Variants in PSD3 observed in about 807,000 individuals in gnomAD.
PSD3 encodes pleckstrin and Sec7 domain containing 3, also known as PH and SEC7 domain-containing protein 3.
A neutral mutation model predicts 105.5 loss-of-function variants in PSD3; 49 were observed. That is an observed-to-expected ratio of 0.46 (90% CI 0.37 to 0.59). PSD3 has a LOEUF of 0.59. Ranked by LOEUF, PSD3 falls within the 20% of genes least tolerant of loss-of-function variation. The pLI is 0.00. For synonymous variants in PSD3, 557 were observed against 457.8 expected (o/e 1.22, Z -2.77); for missense variants, 1,561 against 1,263.8 (o/e 1.24, Z -3.57).
intron 9 of PSD3, chr8:18,733,064 A>G (rs937312187): frequency 5.9e-5 from 9 of 152,254 alleles, no homozygotes; most frequent in African/African-American, 1.9e-4. Flanking sequence ...GTTGGTTACA[A>G]CATCTTATTA....
intron 9 of PSD3, among the ~76,000 whole-genome samples, chr8:18,704,911 T>C (rs914001216): frequency 6.6e-6 from 1 of 152,052 alleles, no homozygotes; most frequent in African/African-American, 2.4e-5. Context: ...GATGAATATC[T>C]CAATTTAAAA....
chr8:18,995,323 T>C (rs941705223), intron 1 of PSD3, among the ~76,000 whole-genome samples: 9 of 152,070 alleles, frequency 5.9e-5, no homozygotes, highest in African/African-American at 2.2e-4. Flanking sequence ...ATCTAATTAC[T>C]AAACAAAACT....
rs1338878880 is a variant in PSD3, at chr8:18,632,603, T to C, written c.2410+10A>G. On this transcript the variant is annotated intron_variant, in intron 11 of 15. Coordinates refer to ENST00000327040, the MANE Select transcript of PSD3 (RefSeq NM_015310.4). ...AAATGAAATAGAAAATGACAACGCA[T>C]GATACTTACTCTTCTTTCCATCCAT... is the stretch of plus-strand genomic sequence containing the variant. 6.3e-7 allele frequency: 1 copy of C among 1,599,678 alleles called. No individual in the cohort carries two copies. Among genetic ancestry groups the C allele is most frequent in the South Asian group, 1.1e-5 (1 of 87,830 alleles).
intron 1 of PSD3, among the ~76,000 whole-genome samples, chr8:19,011,765 C>T (rs1826960637): frequency 8.5e-6 from 1 of 117,840 alleles, no homozygotes; most frequent in Admixed American, 7.6e-5. Context: ...CTTATGCTCG[C>T]ATTTAAAAAA....
intron 15 of PSD3, among the ~76,000 whole-genome samples, chr8:18,539,855 C>G (rs1800059114): frequency 6.6e-6 from 1 of 152,090 alleles, no homozygotes; most frequent in Non-Finnish European, 1.5e-5. Context: ...CAGTAAATTA[C>G]TTTTTAAAGG....
At position 19,073,877 on chromosome 8, in the gene PSD3, G is replaced by C. The variant is rs574930287; in HGVS notation, c.324+10329C>G. Among the ~76,000 whole-genome samples, 3 of 151,434 alleles carry C rather than the reference G, an allele frequency of 2.0e-5. No homozygotes were observed. In the South Asian group the frequency reaches 6.3e-4, roughly 32 times the overall value. On this transcript the variant is annotated intron_variant, in intron 1 of 1. Transcript: ENST00000521475. ...AGGATCTCGGCTCACTGCAAGCTCC[G>C]CCTCCCGGGTTCACGCCATTCTGCC...
chr8:18,740,803 C>T (rs919675657), intron 9 of PSD3, among the ~76,000 whole-genome samples: 2 of 152,130 alleles, frequency 1.3e-5, no homozygotes, highest in African/African-American at 2.4e-5. Flanking sequence ...TCTCCTAGTC[C>T]TCCTAATGTC....
At chr8:19,046,630 G>A (rs982403811) in intron 1 of PSD3, among the ~76,000 whole-genome samples, 3 of 152,122 alleles carry the variant, frequency 2.0e-5, no homozygotes, top group African/African-American at 4.8e-5. Flanking sequence ...GTATAACTTT[G>A]CCTTGAGTTT....
chr8:18,799,159 A>G lies in PSD3; in HGVS notation c.2082+136T>C, dbSNP rs368540016. On this transcript the variant is annotated intron_variant, in intron 8 of 15. Transcript: ENST00000327040. Reference sequence around the variant, plus strand: ...AAAAAAATTATTTCTTTTTTCAAAGATTTCTTTTTATTCACCTGCCATGGG... The same window carrying G: ...AAAAAAATTATTTCTTTTTTCAAAGGTTTCTTTTTATTCACCTGCCATGGG... 1.1e-4 allele frequency: 81 copies of G among 749,738 alleles called. No individual in the cohort carries two copies. In the East Asian group the frequency reaches 1.9e-3, roughly 18 times the overall value. The allele number at this position is 749,738 out of a possible 1,614,324, so 46.4% of individuals were successfully genotyped here.
At chr8:19,019,949 C>T (rs750293669) in intron 1 of PSD3, among the ~76,000 whole-genome samples, 1 of 152,120 alleles carries the variant, frequency 6.6e-6, no homozygotes, top group Admixed American at 6.5e-5. Flanking sequence ...AAATGTTAGA[C>T]CAGAGGGTGG....
intron 8 of PSD3, among the ~76,000 whole-genome samples, chr8:18,768,807 T>C (rs761647078): frequency 6.6e-5 from 10 of 152,208 alleles, no homozygotes; most frequent in Admixed American, 5.9e-4. Context: ...ATTTTTGTTG[T>C]TGTTGTTAAA....
intron 11 of PSD3, among the ~76,000 whole-genome samples, chr8:18,631,352 A>G (rs1394892784): frequency 6.6e-6 from 1 of 151,984 alleles, no homozygotes; most frequent in Non-Finnish European, 1.5e-5. Flanking sequence ...TGTCAATCAC[A>G]ATATTCCATC....
chr8:18,696,507 G>A (rs750533549), intron 9 of PSD3, among the ~76,000 whole-genome samples: 3 of 152,154 alleles, frequency 2.0e-5, no homozygotes, highest in African/African-American at 7.2e-5. Flanking sequence ...TAAGCAGCAC[G>A]TTGCTCAGCT....
At chr8:19,062,596 T>G (rs1358013790) in intron 1 of PSD3, among the ~76,000 whole-genome samples, 1 of 152,206 alleles carries the variant, frequency 6.6e-6, no homozygotes, top group African/African-American at 2.4e-5. Flanking sequence ...AAAGAATCTT[T>G]AGATTTATTA....
intron 2 of PSD3, among the ~76,000 whole-genome samples, chr8:18,917,258 G>C (rs181930874): frequency 2.8e-3 from 426 of 152,310 alleles, no homozygotes; most frequent in African/African-American, 9.8e-3. Flanking sequence ...CTTTCAGGCA[G>C]AGATGGAGAT....
intron 8 of PSD3, among the ~76,000 whole-genome samples, chr8:18,769,405 A>C (rs1406966735): frequency 1.3e-5 from 2 of 152,210 alleles, no homozygotes; most frequent in Admixed American, 1.3e-4. Context: ...TAAAAACGAA[A>C]ATTTTTCTCT....
At chr8:18,853,418 C>G (rs747374380) in intron 4 of PSD3, among the ~76,000 whole-genome samples, 2 of 152,054 alleles carry the variant, frequency 1.3e-5, no homozygotes, top group African/African-American at 2.4e-5. Flanking sequence ...ATAATATCAA[C>G]GGACTAGGCT....
chr8:18,819,237 A>G (rs1012787707), intron 4 of PSD3, among the ~76,000 whole-genome samples: 6 of 152,234 alleles, frequency 3.9e-5, no homozygotes, highest in African/African-American at 1.4e-4. Context: ...GGTTTAGTCA[A>G]CAAATACTTT....
intron 12 of PSD3, among the ~76,000 whole-genome samples, chr8:18,592,849 C>A (rs1803713514): frequency 6.6e-6 from 1 of 152,114 alleles, no homozygotes; most frequent in Admixed American, 6.6e-5. Context: ...CTTTGACAAA[C>A]CTGACAAGAA....
Sources: gnomAD v4.1 joint callset for allele counts (sites outside exome capture counted in the v4.1 genomes callset) on GRCh38, gnomAD v4.1.1 for gene constraint, MANE v1.5 for transcripts, NCBI Gene and HGNC (gene_info 2026-07-23, HGNC 2026-07-21) for gene names.